PCDHA8: variants seen among roughly 807,000 people sequenced by gnomAD.
The protein encoded by PCDHA8 is protocadherin alpha 8, also known as protocadherin alpha-8.
Under a neutral mutation model 61.8 loss-of-function variants are expected in PCDHA8, and 53 were observed. The ratio of observed to expected loss-of-function variants is 0.86; its 90% CI spans 0.69 to 1.08. PCDHA8 has a LOEUF of 1.08. PCDHA8 is among the 50% of genes least tolerant of loss of function. The probability of loss-of-function intolerance (pLI) is 0.00; values close to 1 mark genes in which losing one functional copy is unlikely to be tolerated. For missense variants in PCDHA8, 1,293 were observed against 1,245.0 expected, an observed-to-expected ratio of 1.04 and a Z score of -0.58; for synonymous variants, 618 against 556.6, an observed-to-expected ratio of 1.11 and a Z score of -1.55.
intron 1 of PCDHA8, chr5:140,865,001 C>T (rs185152337): frequency 6.6e-6 from 1 of 152,206 alleles, no homozygotes; most frequent in East Asian, 1.9e-4. Flanking sequence ...AGTTTGAGAC[C>T]AGCCTCGGCA....
rs991591970 is a variant in PCDHA8, at chr5:140,855,546, A to G, written c.2394+11831A>G. Reference sequence around the variant, plus strand: ...GAAAGAGAAGTAAGTTAAGTGTCAGAACTTAAATGGAACTAAAGTTGTCAT... The same window carrying G: ...GAAAGAGAAGTAAGTTAAGTGTCAGGACTTAAATGGAACTAAAGTTGTCAT... On this transcript the variant is annotated intron_variant, in intron 1 of 3. Coordinates refer to ENST00000531613, the MANE Select transcript of PCDHA8 (RefSeq NM_018911.3). Among the ~76,000 whole-genome samples the G allele has an allele frequency of 1.2e-4, 18 of 150,024 alleles. 2 individuals carry two copies. The highest frequency in any genetic ancestry group is 1.8e-4 in the Non-Finnish European group (12 of 67,114).
At chr5:141,000,391 CTCTCTA>C (rs1434799221) in intron 3 of PCDHA8, among the ~76,000 whole-genome samples, 1,083 of 55,870 alleles carry the variant, frequency 0.019, 5 homozygotes, top group Non-Finnish European at 0.023. Context: ...CTCTCTCTCT[CTCTCTA>C]TATATATATA....
intron 1 of PCDHA8, chr5:140,852,221 T>C: frequency 1.6e-6 from 1 of 623,256 alleles, no homozygotes; most frequent in Non-Finnish European, 2.1e-6. Context: ...AATATTTTAA[T>C]TTTTAAATTT....
chr5:140,965,012 C>T (rs1405445486), intron 1 of PCDHA8, among the ~76,000 whole-genome samples: 2 of 152,188 alleles, frequency 1.3e-5, no homozygotes, highest in African/African-American at 4.8e-5. Flanking sequence ...GTCAGGATCA[C>T]AACCTTGGCT....
chr5:141,009,132 G>GA (rs1172401436), intron 3 of PCDHA8, among the ~76,000 whole-genome samples: 11 of 152,202 alleles, frequency 7.2e-5, no homozygotes, highest in African/African-American at 2.4e-4. Flanking sequence ...GTATCCTGGT[G>GA]AAAAAACCTG....
At chr5:140,995,214 CTCT>C (rs1563606225) in intron 3 of PCDHA8, among the ~76,000 whole-genome samples, 1 of 152,136 alleles carries the variant, frequency 6.6e-6, no homozygotes, top group East Asian at 1.9e-4. Flanking sequence ...AGGCACAATA[CTCT>C]TGTGCTTTGG....
intron 1 of PCDHA8, chr5:140,883,195 T>G (rs781816525): frequency 6.2e-7 from 1 of 1,613,904 alleles, no homozygotes; most frequent in Non-Finnish European, 8.5e-7. Flanking sequence ...GCAAACTAGA[T>G]TTCGAAGAAA....
intron 1 of PCDHA8, among the ~76,000 whole-genome samples, chr5:140,943,180 C>T (rs2093431387): frequency 6.7e-6 from 1 of 149,602 alleles, no homozygotes; most frequent in South Asian, 2.1e-4. Context: ...ATCGCTTGAA[C>T]CCTGGAGGTG....
chr5:140,848,487 G>T (rs2150411102), intron 1 of PCDHA8: 1 of 1,574,380 alleles, frequency 6.4e-7, no homozygotes, highest in Non-Finnish European at 8.7e-7. Context: ...AGAAGACTGA[G>T]TATTTGAAAT....
At chr5:140,950,517 A>G (rs1210598995) in intron 1 of PCDHA8, among the ~76,000 whole-genome samples, 1 of 152,012 alleles carries the variant, frequency 6.6e-6, no homozygotes, top group African/African-American at 2.4e-5. Flanking sequence ...CCTGTGTGCG[A>G]TATGATTGTT....
intron 1 of PCDHA8, among the ~76,000 whole-genome samples, chr5:140,924,421 A>G (rs2081827627): frequency 6.6e-6 from 1 of 152,172 alleles, no homozygotes; most frequent in Non-Finnish European, 1.5e-5. Flanking sequence ...TGCCCTTTCT[A>G]GTTCCCTAGA....
At chr5:140,870,368 T>A in intron 1 of PCDHA8, 1 of 1,614,094 alleles carries the variant, frequency 6.2e-7, no homozygotes, top group Admixed American at 1.7e-5. Context: ...GCCTATGAAC[T>A]GGTGGTGACT....
At chr5:140,996,752 GT>G (rs1406262736) in intron 3 of PCDHA8, among the ~76,000 whole-genome samples, 2 of 152,208 alleles carry the variant, frequency 1.3e-5, no homozygotes, top group East Asian at 3.9e-4. Flanking sequence ...AATTATATCT[GT>G]GCAGGACTAA....
chr5:140,976,584 A>G (rs2096724055), intron 1 of PCDHA8, among the ~76,000 whole-genome samples: 1 of 152,070 alleles, frequency 6.6e-6, no homozygotes. Context: ...TAAAACACAG[A>G]CTTTTGTGTT....
At position 140,877,018 on chromosome 5, in the gene PCDHA8, A is replaced by C; in HGVS notation, c.2394+33303A>C. On this transcript the variant is annotated intron_variant, in intron 1 of 3. Transcript: ENST00000531613. ...CGTGTCGGTGCACGCGGAGAGCGGC[A>C]AGGTGTACGCGCTGCAGCCGCTAGA... 1 of 1,612,420 alleles carries C rather than the reference A, an allele frequency of 6.2e-7. No homozygotes were observed. Among genetic ancestry groups the C allele is most frequent in the Non-Finnish European group, 8.5e-7 (1 of 1,179,802 alleles).
chr5:140,886,815 A>G (rs1251237856), intron 1 of PCDHA8, among the ~76,000 whole-genome samples: 1 of 149,622 alleles, frequency 6.7e-6, no homozygotes, highest in African/African-American at 2.5e-5. Context: ...TGACAGAGCA[A>G]GACTTCGTCT....
intron 1 of PCDHA8, chr5:140,884,272 G>A (rs1554181402): frequency 6.2e-7 from 1 of 1,613,574 alleles, no homozygotes; most frequent in South Asian, 1.1e-5. Flanking sequence ...TGCTGTTGTC[G>A]CTGGTGGAGA....
At chr5:140,902,558 T>G (rs2069554536) in intron 1 of PCDHA8, among the ~76,000 whole-genome samples, 2 of 152,242 alleles carry the variant, frequency 1.3e-5, no homozygotes, top group South Asian at 4.1e-4. Context: ...ACCCAGATTT[T>G]TGAGGGTTTT....
intron 1 of PCDHA8, chr5:140,858,724 G>A: frequency 2.0e-6 from 1 of 491,474 alleles, no homozygotes; most frequent in South Asian, 3.0e-5. Flanking sequence ...TTGCAGTTCT[G>A]ACGATTTACT....
Sources: gnomAD v4.1 joint callset for allele counts (sites outside exome capture counted in the v4.1 genomes callset) on GRCh38, gnomAD v4.1.1 for gene constraint, MANE v1.5 for transcripts, NCBI Gene and HGNC (gene_info 2026-07-23, HGNC 2026-07-21) for gene names.